The following ARHGAP6 variants were observed in gnomAD, a reference collection of about 807,000 sequenced individuals.
The protein encoded by ARHGAP6 is Rho GTPase activating protein 6, also known as rho GTPase-activating protein 6.
ARHGAP6 carries 16 observed loss-of-function variants against 55.7 expected under a neutral mutation model. The ratio of observed to expected loss-of-function variants is 0.29; its 90% CI spans 0.19 to 0.44. ARHGAP6 has a LOEUF of 0.44. Ranked by LOEUF, ARHGAP6 falls within the 20% of genes least tolerant of loss-of-function variation. The pLI is 1.00. For synonymous variants in ARHGAP6, 382 were observed against 360.9 expected, an observed-to-expected ratio of 1.06 and a Z score of -0.66; for missense variants, 698 against 808.9, an observed-to-expected ratio of 0.86 and a Z score of 1.66.
chrX:11,663,795 T>A (rs1305538174), intron 1 of ARHGAP6, among the ~76,000 whole-genome samples: 1 of 112,197 alleles, frequency 8.9e-6, no homozygotes, highest in East Asian at 2.8e-4. Flanking sequence ...ACTCATACAG[T>A]CAATGACACC....
At chrX:11,350,118 C>A (rs1316496044) in intron 1 of ARHGAP6, among the ~76,000 whole-genome samples, 2 of 111,860 alleles carry the variant, frequency 1.8e-5, no homozygotes, top group Non-Finnish European at 3.8e-5. Flanking sequence ...AGTCACTTAA[C>A]CCCTCTGGGC....
intron 1 of ARHGAP6, among the ~76,000 whole-genome samples, chrX:11,585,620 T>C (rs2051724190): frequency 8.9e-6 from 1 of 112,728 alleles, no homozygotes; most frequent in Non-Finnish European, 1.9e-5. Context: ...CACTTTTTAA[T>C]GGTGTTTTGT....
At chrX:11,236,047 C>A (rs1431417806) in intron 2 of ARHGAP6, among the ~76,000 whole-genome samples, 1 of 111,896 alleles carries the variant, frequency 8.9e-6, no homozygotes, top group Non-Finnish European at 1.9e-5. Context: ...TATAGCAGCA[C>A]CCAACTCTAC....
At chrX:11,545,300 T>C (rs1033982563) in intron 1 of ARHGAP6, among the ~76,000 whole-genome samples, 1 of 112,480 alleles carries the variant, frequency 8.9e-6, no homozygotes, top group Non-Finnish European at 1.9e-5. Flanking sequence ...CAAGGAGATA[T>C]TGTGCTTCTT....
chrX:11,297,599 T>C (rs1398050977), intron 1 of ARHGAP6, among the ~76,000 whole-genome samples: 1 of 112,031 alleles, frequency 8.9e-6, no homozygotes, highest in Non-Finnish European at 1.9e-5. Context: ...ATATATACTG[T>C]TCAGAAAGGA....
intron 1 of ARHGAP6, among the ~76,000 whole-genome samples, chrX:11,328,259 A>G (rs1263894699): frequency 8.9e-6 from 1 of 112,075 alleles, no homozygotes; most frequent in Non-Finnish European, 1.9e-5. Flanking sequence ...AGATACAGTT[A>G]TGGTATAGGA....
intron 1 of ARHGAP6, among the ~76,000 whole-genome samples, chrX:11,513,755 G>C (rs2147869190): frequency 9.0e-6 from 1 of 111,349 alleles, no homozygotes; most frequent in African/African-American, 3.3e-5. Context: ...CCAAAGGAAT[G>C]TGAGTGTATT....
chrX:11,283,233 T>C (rs1436082349), intron 1 of ARHGAP6, among the ~76,000 whole-genome samples: 1 of 111,888 alleles, frequency 8.9e-6, no homozygotes, highest in Non-Finnish European at 1.9e-5. Context: ...TAAGTATCTA[T>C]TATGAGCTAA....
intron 1 of ARHGAP6, among the ~76,000 whole-genome samples, chrX:11,578,350 A>C (rs111260225): frequency 0.02 from 2,221 of 112,399 alleles, 31 homozygotes; most frequent in Middle Eastern, 0.056. Flanking sequence ...GATTTAAAAA[A>C]AAACCACTTT....
chrX:11,492,550 C>G (rs772205003), intron 1 of ARHGAP6, among the ~76,000 whole-genome samples: 92 of 111,388 alleles, frequency 8.3e-4, no homozygotes, highest in Non-Finnish European at 1.2e-3. Flanking sequence ...AAAAGACCAA[C>G]TTGATAAACC....
intron 1 of ARHGAP6, among the ~76,000 whole-genome samples, chrX:11,658,911 C>T (rs917488828): frequency 9.1e-6 from 1 of 109,659 alleles, no homozygotes; most frequent in Non-Finnish European, 1.9e-5. Context: ...GGCCTATACC[C>T]ACTAGACGCC....
chrX:11,294,707 T>C (rs1177431667), intron 1 of ARHGAP6: 1 of 1,069,926 alleles, frequency 9.3e-7, no homozygotes, highest in Non-Finnish European at 1.3e-6. Flanking sequence ...ATTATGTGTG[T>C]TTTATGGAGC....
chrX:11,251,499 C>G (rs2047423318), intron 2 of ARHGAP6, among the ~76,000 whole-genome samples: 2 of 111,657 alleles, frequency 1.8e-5, no homozygotes, highest in African/African-American at 6.5e-5. Flanking sequence ...TCATTTGAAC[C>G]CTGGAAGCAC....
chrX:11,298,211 G>T (rs762554859), intron 1 of ARHGAP6: 1 of 1,210,464 alleles, frequency 8.3e-7, no homozygotes, highest in South Asian at 1.8e-5. Context: ...AAATCAAATG[G>T]GTTCTAATAT....
intron 2 of ARHGAP6, among the ~76,000 whole-genome samples, chrX:11,205,751 T>C (rs1042913765): frequency 1.8e-5 from 2 of 112,015 alleles, no homozygotes; most frequent in African/African-American, 6.5e-5. Context: ...TATAAATAAT[T>C]TGTCCTTCTT....
intron 1 of ARHGAP6, among the ~76,000 whole-genome samples, chrX:11,457,732 G>A (rs1255664023): frequency 1.8e-5 from 2 of 111,231 alleles, no homozygotes; most frequent in African/African-American, 6.6e-5. Flanking sequence ...TAAGGGCCCA[G>A]AAAAGGTTAC....
intron 1 of ARHGAP6, among the ~76,000 whole-genome samples, chrX:11,555,683 G>T (rs2051313737): frequency 9.0e-6 from 1 of 110,944 alleles, no homozygotes; most frequent in Non-Finnish European, 1.9e-5. Flanking sequence ...GGAGGTGGAG[G>T]TTGCAGTGAG....
chrX:11,462,575 T>C (rs1275540318), intron 1 of ARHGAP6, among the ~76,000 whole-genome samples: 4 of 112,374 alleles, frequency 3.6e-5, no homozygotes, highest in Non-Finnish European at 5.6e-5. Context: ...AAAGAAAACA[T>C]TACCATCGTG....
chrX:11,195,446 A>G (rs1049349397), intron 3 of ARHGAP6, among the ~76,000 whole-genome samples: 1 of 111,233 alleles, frequency 9.0e-6, no homozygotes, highest in African/African-American at 3.3e-5. Context: ...GACCATAAAT[A>G]CCTCAGAGAG....
Sources: gnomAD v4.1 joint callset for allele counts (sites outside exome capture counted in the v4.1 genomes callset) on GRCh38, gnomAD v4.1.1 for gene constraint, MANE v1.5 for transcripts, NCBI Gene and HGNC (gene_info 2026-07-23, HGNC 2026-07-21) for gene names.